The following KCNJ3 variants were observed in gnomAD, a reference collection of about 807,000 sequenced individuals.
KCNJ3 encodes the protein G protein-activated inward rectifier potassium channel 1.
A neutral mutation model predicts 39.2 loss-of-function variants in KCNJ3; 4 were observed. The ratio of observed to expected loss-of-function variants is 0.10; its 90% CI spans 0.05 to 0.23. The LOEUF is 0.23. Ranked by LOEUF, KCNJ3 falls within the 10% of genes least tolerant of loss-of-function variation. The pLI, the probability that KCNJ3 is intolerant of heterozygous loss-of-function variation, is 1.00. For synonymous variants in KCNJ3, 230 were observed against 237.4 expected, an observed-to-expected ratio of 0.97 and a Z score of 0.29; for missense variants, 276 against 634.9, an observed-to-expected ratio of 0.43 and a Z score of 6.08.
rs115700479 is a variant in KCNJ3, at chr2:154,748,194, G to A, written c.919+38375G>A. Among the ~76,000 whole-genome samples the A allele has an allele frequency of 9.1e-3, 1,389 of 151,952 alleles. 22 individuals are homozygous for A. Among genetic ancestry groups the A allele is most frequent in the African/African-American group, 0.031 (1,276 of 41,448 alleles). On this transcript the variant is annotated intron_variant, in intron 2 of 2. Transcript: ENST00000295101. ...TTTCTTTCACTTGAATGCCATTCAT[G>A]GAACAAATTCATACCTAAATAAACT...
intron 2 of KCNJ3, among the ~76,000 whole-genome samples, chr2:154,714,447 C>G (rs1306193282): frequency 6.6e-6 from 1 of 151,850 alleles, no homozygotes; most frequent in Non-Finnish European, 1.5e-5. Context: ...TTAGTTTTTC[C>G]TTTCTAGTCT....
chr2:154,821,635 A>AT (rs71422263), intron 2 of KCNJ3, among the ~76,000 whole-genome samples: 1,995 of 87,950 alleles, frequency 0.023, 115 homozygotes, highest in Admixed American at 0.069. Context: ...AGAATATGTG[A>AT]TTTTTTTTTT....
In KCNJ3 at chr2:154,781,008, C is replaced by T. The variant is rs150994615; in HGVS notation, c.919+71189C>T. ...TGAATTATCTTGGAAAGGGCTTTCA[C>T]TGTAATCGCAGTTGGTCCTTAAATG... On this transcript the variant is annotated intron_variant, in intron 2 of 2. Coordinates refer to ENST00000295101, the MANE Select transcript of KCNJ3 (RefSeq NM_002239.4). Among the ~76,000 whole-genome samples the T allele has an allele frequency of 6.2e-3, 938 of 152,258 alleles. 7 individuals are homozygous for T. The highest frequency in any genetic ancestry group is 0.027 in the Middle Eastern group (8 of 294).
rs980725163 is a variant in KCNJ3 at position 154,732,509 on chromosome 2, A to G, written c.919+22690A>G. Among the ~76,000 whole-genome samples, 3 of 152,068 alleles carry G rather than the reference A, an allele frequency of 2.0e-5. No individual in the cohort carries two copies. The East Asian group carries it at 5.8e-4, about 29-fold the overall frequency. On this transcript the variant is annotated intron_variant, in intron 2 of 2. Transcript: ENST00000295101. ...AAGACTCAAAAGGCTTGTGACTTCAATCAGTTTTTTTTCCATTGTATTACC... is the reference window on the plus strand; with the variant it reads ...AAGACTCAAAAGGCTTGTGACTTCAGTCAGTTTTTTTTCCATTGTATTACC...
At chr2:154,724,351 T>C (rs980931488) in intron 2 of KCNJ3, among the ~76,000 whole-genome samples, 4 of 152,128 alleles carry the variant, frequency 2.6e-5, no homozygotes, top group African/African-American at 9.7e-5. Flanking sequence ...ATTTTATCTA[T>C]GCTATTATTA....
intron 2 of KCNJ3, among the ~76,000 whole-genome samples, chr2:154,769,610 G>T (rs941603210): frequency 6.6e-6 from 1 of 152,082 alleles, no homozygotes; most frequent in Admixed American, 6.6e-5. Flanking sequence ...TGAGGTTTTT[G>T]TGTCGATGTT....
At chr2:154,722,364 AG>A (rs1574434879) in intron 2 of KCNJ3, among the ~76,000 whole-genome samples, 2 of 152,312 alleles carry the variant, frequency 1.3e-5, no homozygotes, top group East Asian at 3.9e-4. Context: ...CCATGCTACT[AG>A]GGGATGGATG....
intron 2 of KCNJ3, among the ~76,000 whole-genome samples, chr2:154,739,391 G>A (rs551586983): frequency 6.6e-6 from 1 of 152,114 alleles, no homozygotes; most frequent in South Asian, 2.1e-4. Context: ...CTCTATTTAA[G>A]ATTCTTAGAA....
intron 2 of KCNJ3, among the ~76,000 whole-genome samples, chr2:154,782,965 G>A (rs1686464478): frequency 6.6e-6 from 1 of 152,126 alleles, no homozygotes; most frequent in Non-Finnish European, 1.5e-5. Context: ...TCACCTGAGG[G>A]CAGGAGTTCG....
At chr2:154,798,411 C>G (rs902726018) in intron 2 of KCNJ3, among the ~76,000 whole-genome samples, 1 of 152,054 alleles carries the variant, frequency 6.6e-6, no homozygotes, top group Non-Finnish European at 1.5e-5. Flanking sequence ...TTTCTGAGAA[C>G]TTGTCAAGTT....
chr2:154,712,394 A>T (rs992133383), intron 2 of KCNJ3, among the ~76,000 whole-genome samples: 10 of 152,242 alleles, frequency 6.6e-5, no homozygotes, highest in African/African-American at 2.4e-4. Context: ...GGGAACAAGA[A>T]TACTGTTTTT....
intron 2 of KCNJ3, among the ~76,000 whole-genome samples, chr2:154,717,917 C>T (rs1685208290): frequency 6.6e-6 from 1 of 152,126 alleles, no homozygotes; most frequent in South Asian, 2.1e-4. Context: ...CTCTACTGAC[C>T]ATTGGAAATG....
chr2:154,828,750 C>A (rs936949685), intron 2 of KCNJ3, among the ~76,000 whole-genome samples: 24 of 152,050 alleles, frequency 1.6e-4, no homozygotes, highest in Non-Finnish European at 2.8e-4. Flanking sequence ...TCTCTCCATG[C>A]CTTTGGGTAT....
intron 2 of KCNJ3, among the ~76,000 whole-genome samples, chr2:154,851,792 G>A (rs1687760431): frequency 6.6e-6 from 1 of 152,170 alleles, no homozygotes; most frequent in South Asian, 2.1e-4. Context: ...CGTTTCCACT[G>A]TAGATGTCAT....
At chr2:154,776,976 T>G (rs1378545882) in intron 2 of KCNJ3, among the ~76,000 whole-genome samples, 2 of 152,130 alleles carry the variant, frequency 1.3e-5, no homozygotes, top group Non-Finnish European at 2.9e-5. Flanking sequence ...CATTTCTTAA[T>G]GTTCCAAGGA....
intron 2 of KCNJ3, among the ~76,000 whole-genome samples, chr2:154,733,081 T>G (rs1346517535): frequency 6.6e-6 from 1 of 152,164 alleles, no homozygotes; most frequent in Admixed American, 6.6e-5. Flanking sequence ...TTTTACAAAC[T>G]TAGAGATAAA....
intron 2 of KCNJ3, among the ~76,000 whole-genome samples, chr2:154,729,891 A>C (rs1015101162): frequency 3.3e-5 from 5 of 152,074 alleles, no homozygotes; most frequent in Non-Finnish European, 7.4e-5. Flanking sequence ...TAAATAGCTG[A>C]GTGTTTATTT....
In KCNJ3 at chr2:154,803,705, A is replaced by G. The variant is rs566217069; in HGVS notation, c.920-51022A>G. ...TTTTCTCTGATGAAGTTGAAATAAGAATAAAAATAGTTAATTAGAACATCT... is the reference window on the plus strand; with the variant it reads ...TTTTCTCTGATGAAGTTGAAATAAGGATAAAAATAGTTAATTAGAACATCT... On this transcript the variant is annotated intron_variant, in intron 2 of 2. Transcript: ENST00000295101. Among the ~76,000 whole-genome samples, 9 of 152,174 alleles carry G rather than the reference A, an allele frequency of 5.9e-5. No individual in the cohort carries two copies. In the South Asian group the frequency reaches 1.9e-3, roughly 32 times the overall value.
chr2:154,833,337 T>TTTTG (rs1264318820), intron 2 of KCNJ3, among the ~76,000 whole-genome samples: 2 of 152,200 alleles, frequency 1.3e-5, no homozygotes, highest in African/African-American at 4.8e-5. Flanking sequence ...GTTTTTCTGT[T>TTTTG]TTTGTTATTT....
Sources: gnomAD v4.1 joint callset for allele counts (sites outside exome capture counted in the v4.1 genomes callset) on GRCh38, gnomAD v4.1.1 for gene constraint, MANE v1.5 for transcripts, NCBI Gene and HGNC (gene_info 2026-07-23, HGNC 2026-07-21) for gene names.